NPSR1: variants seen among roughly 807,000 people sequenced by gnomAD.
NPSR1 encodes neuropeptide S receptor 1.
Under a neutral mutation model 46.9 loss-of-function variants are expected in NPSR1, and 48 were observed. The observed-to-expected ratio is 1.02, with a 90% CI of 0.81 to 1.30. The LOEUF is 1.30. Among genes scored for constraint, NPSR1 ranks in the 50% most tolerant of loss-of-function variants. The pLI, the probability that NPSR1 is intolerant of heterozygous loss-of-function variation, is 0.00. For synonymous variants in NPSR1, 176 were observed against 168.1 expected (o/e 1.05, Z -0.36); for missense variants, 450 against 449.5 (o/e 1.00, Z -0.01).
intron 2 of NPSR1, among the ~76,000 whole-genome samples, chr7:34,720,115 A>G (rs1783776995): frequency 6.6e-6 from 1 of 152,096 alleles, no homozygotes; most frequent in South Asian, 2.1e-4. Context: ...CCCTATCTCT[A>G]CTAAAAATAC....
Position 34,658,313 on chromosome 7 carries a change from TC to T in NPSR1, c.-99del. The T allele has an allele frequency of 3.6e-6, 5 of 1,375,302 alleles. No individual in the cohort carries two copies. The highest frequency in any genetic ancestry group is 5.1e-6 in the Non-Finnish European group (5 of 988,614). The allele number at this position is 1,375,302 out of a possible 1,614,324, so 85.2% of individuals were successfully genotyped here. A position where few individuals can be genotyped will look rare whatever the true frequency, so the allele number is the denominator to read the frequency against. On this transcript the variant is annotated 5_prime_UTR_variant, in exon 1 of 9. Coordinates refer to ENST00000360581, the MANE Select transcript of NPSR1 (RefSeq NM_207172.2). ...CTCAGGGAGGGCTCTGTGCCTCCGT[TC>T]AGCAGAGCTGCAGCTGCTGCCCAGC...
chr7:34,705,214 G>T (rs1303965854), intron 2 of NPSR1, among the ~76,000 whole-genome samples: 1 of 151,986 alleles, frequency 6.6e-6, no homozygotes, highest in Non-Finnish European at 1.5e-5. Flanking sequence ...ATCACTGGAG[G>T]TCAGGAGTTC....
At chr7:34,751,799 A>G (rs933989716) in intron 2 of NPSR1, 1 of 1,585,952 alleles carries the variant, frequency 6.3e-7, no homozygotes, top group Non-Finnish European at 8.7e-7. Flanking sequence ...ATCTGGGCAC[A>G]GATCACTGTG....
At chr7:34,755,693 A>G (rs1454235058) in intron 2 of NPSR1, among the ~76,000 whole-genome samples, 1 of 152,130 alleles carries the variant, frequency 6.6e-6, no homozygotes, top group Non-Finnish European at 1.5e-5. Context: ...TATTATGTGC[A>G]GGTATTACTT....
intron 2 of NPSR1, chr7:34,703,881 T>C (rs1426906217): frequency 6.2e-5 from 8 of 129,176 alleles, no homozygotes; most frequent in Non-Finnish European, 1.3e-4. Context: ...CTAATAAGAG[T>C]AACTCCCGAT....
intron 8 of NPSR1, chr7:34,871,602 T>C (rs1000234384): frequency 6.6e-6 from 1 of 151,854 alleles, no homozygotes; most frequent in African/African-American, 2.4e-5. Flanking sequence ...CAAAGACAAG[T>C]TATTTGCTTC....
At chr7:34,765,851 G>A in intron 2 of NPSR1, among the ~76,000 whole-genome samples, 1 of 152,092 alleles carries the variant, frequency 6.6e-6, no homozygotes. Context: ...GTTAAACCTT[G>A]GATACACATG....
chr7:34,658,822 G>T (rs759478925), intron 1 of NPSR1, among the ~76,000 whole-genome samples: 2 of 152,114 alleles, frequency 1.3e-5, no homozygotes, highest in Non-Finnish European at 2.9e-5. Flanking sequence ...TTTATGAGTG[G>T]ATGATTTTTA....
At chr7:34,703,787 A>C (rs1793966772) in intron 2 of NPSR1, 1 of 152,374 alleles carries the variant, frequency 6.6e-6, no homozygotes, top group East Asian at 1.9e-4. Context: ...ATATTTTATG[A>C]GCTAAAGTGC....
chr7:34,792,343 T>G (rs1015794770), intron 3 of NPSR1, among the ~76,000 whole-genome samples: 2 of 151,598 alleles, frequency 1.3e-5, no homozygotes, highest in Non-Finnish European at 2.9e-5. Context: ...ATCCAAAATA[T>G]ATTAGAAACA....
At chr7:34,750,514 T>C in intron 2 of NPSR1, 1 of 701,828 alleles carries the variant, frequency 1.4e-6, no homozygotes, top group African/African-American at 1.8e-5. Context: ...TCTTGGCTGT[T>C]GGGGCTCTCT....
At chr7:34,688,466 G>A (rs1793052482) in intron 2 of NPSR1, among the ~76,000 whole-genome samples, 1 of 152,156 alleles carries the variant, frequency 6.6e-6, no homozygotes, top group Non-Finnish European at 1.5e-5. Flanking sequence ...CTATCTCCAG[G>A]CTTTTGGTGC....
intron 2 of NPSR1, among the ~76,000 whole-genome samples, chr7:34,741,308 G>A (rs1308857519): frequency 6.6e-6 from 1 of 152,152 alleles, no homozygotes; most frequent in East Asian, 1.9e-4. Flanking sequence ...ACCCAGAGGT[G>A]AAAGCTCAGG....
At chr7:34,688,584 C>A (rs1793059684) in intron 2 of NPSR1, among the ~76,000 whole-genome samples, 1 of 152,142 alleles carries the variant, frequency 6.6e-6, no homozygotes, top group Non-Finnish European at 1.5e-5. Flanking sequence ...GTAATTCCAG[C>A]CATTTAACAC....
intron 2 of NPSR1, among the ~76,000 whole-genome samples, chr7:34,694,813 G>A (rs1478188653): frequency 6.6e-6 from 1 of 152,210 alleles, no homozygotes; most frequent in South Asian, 2.1e-4. Flanking sequence ...GGGTTCAAGA[G>A]ATTCTCCTGC....
intron 2 of NPSR1, among the ~76,000 whole-genome samples, chr7:34,691,012 A>T (rs1793223148): frequency 6.6e-6 from 1 of 152,188 alleles, no homozygotes; most frequent in African/African-American, 2.4e-5. Context: ...AAATTTCATA[A>T]GACTAATAGT....
At chr7:34,660,260 A>C (rs1212508263) in intron 1 of NPSR1, 1 of 454,598 alleles carries the variant, frequency 2.2e-6, no homozygotes, top group Non-Finnish European at 4.4e-6. Context: ...AGGAGCTTAG[A>C]ATGCTCAGAT....
downstream of NPSR1, among the ~76,000 whole-genome samples, chr7:34,851,026 T>G (rs1790919378): frequency 6.6e-6 from 1 of 152,202 alleles, no homozygotes; most frequent in African/African-American, 2.4e-5. Context: ...TATCAGATTT[T>G]TCCACAAGTG....
At chr7:34,670,891 G>A (rs779915860) in intron 1 of NPSR1, among the ~76,000 whole-genome samples, 1 of 151,992 alleles carries the variant, frequency 6.6e-6, no homozygotes, top group Non-Finnish European at 1.5e-5. Context: ...TTGTGGGAGA[G>A]TAAATCAGAA....
Sources: gnomAD v4.1 joint callset for allele counts (sites outside exome capture counted in the v4.1 genomes callset) on GRCh38, gnomAD v4.1.1 for gene constraint, MANE v1.5 for transcripts, NCBI Gene and HGNC (gene_info 2026-07-23, HGNC 2026-07-21) for gene names.